IDE: variants seen among roughly 807,000 people sequenced by gnomAD.
The protein encoded by IDE is insulin degrading enzyme, also known as insulin-degrading enzyme.
Under a neutral mutation model 133.2 loss-of-function variants are expected in IDE, and 58 were observed. The ratio of observed to expected loss-of-function variants is 0.44; its 90% CI spans 0.35 to 0.54. The LOEUF (loss-of-function observed/expected upper bound fraction) is 0.54, where lower values mean the gene tolerates loss of function less well. Among genes scored for constraint, IDE ranks in the 20% least tolerant of loss-of-function variants. The pLI, the probability that IDE is intolerant of heterozygous loss-of-function variation, is 0.00. For missense variants in IDE, 981 were observed against 1,234.0 expected, an observed-to-expected ratio of 0.79 and a Z score of 3.07; for synonymous variants, 396 against 421.3, an observed-to-expected ratio of 0.94 and a Z score of 0.73.
At chr10:92,492,426 T>A (rs1847411362) in intron 11 of IDE, among the ~76,000 whole-genome samples, 1 of 152,160 alleles carries the variant, frequency 6.6e-6, no homozygotes, top group Non-Finnish European at 1.5e-5. Context: ...ACTCCGCCTC[T>A]ACTGCCTTTT....
intron 1 of IDE, among the ~76,000 whole-genome samples, chr10:92,566,046 C>T (rs1257643260): frequency 1.3e-5 from 2 of 151,732 alleles, no homozygotes; most frequent in African/African-American, 4.8e-5. Flanking sequence ...ACATAATTAC[C>T]GTGGCCATTA....
intron 1 of IDE, among the ~76,000 whole-genome samples, chr10:92,556,206 A>C (rs1019638357): frequency 2.0e-5 from 3 of 150,560 alleles, no homozygotes; most frequent in Admixed American, 2.0e-4. Context: ...AAAAAGAAAG[A>C]AAAAAGTAAA....
At chr10:92,568,947 G>A (rs892397858) in intron 1 of IDE, among the ~76,000 whole-genome samples, 1 of 152,070 alleles carries the variant, frequency 6.6e-6, no homozygotes, top group Non-Finnish European at 1.5e-5. Flanking sequence ...ATGGTACACA[G>A]GTGTTTTTTT....
intron 14 of IDE, 172 bp from the exon 15 acceptor site, chr10:92,479,593 A>G (rs1846484101): frequency 1.7e-6 from 1 of 585,304 alleles, no homozygotes; most frequent in Non-Finnish European, 3.0e-6. Flanking sequence ...CTGAAAAAGA[A>G]GCCTGAAGTG....
At chr10:92,478,181 C>A (rs1431352165) in intron 15 of IDE, among the ~76,000 whole-genome samples, 1 of 152,106 alleles carries the variant, frequency 6.6e-6, no homozygotes. Context: ...TTAAAACACA[C>A]ATAAAGTAGG....
intron 1 of IDE, among the ~76,000 whole-genome samples, chr10:92,560,731 C>T (rs143482482): frequency 0.014 from 2,119 of 151,198 alleles, 22 homozygotes; most frequent in Non-Finnish European, 0.021. Context: ...TGCAGTGAGC[C>T]AAGATGGAGC....
chr10:92,465,326 T>A (rs1294944990), intron 20 of IDE, among the ~76,000 whole-genome samples: 4 of 152,212 alleles, frequency 2.6e-5, no homozygotes, highest in Non-Finnish European at 5.9e-5. Flanking sequence ...AGATAATACC[T>A]GCCCTCAAGG....
intron 1 of IDE, among the ~76,000 whole-genome samples, chr10:92,549,027 G>A (rs577402412): frequency 8.0e-4 from 122 of 152,282 alleles, no homozygotes; most frequent in South Asian, 1.9e-3. Flanking sequence ...GGAGGCTGAG[G>A]CGGGCGGATC....
At chr10:92,475,370 G>A (rs1589385280) in intron 16 of IDE, among the ~76,000 whole-genome samples, 1 of 152,148 alleles carries the variant, frequency 6.6e-6, no homozygotes, top group East Asian at 1.9e-4. Context: ...GAAAACTGAT[G>A]GTAGTTTCTT....
chr10:92,518,748 A>T (rs1235512056), intron 4 of IDE, among the ~76,000 whole-genome samples: 1 of 152,242 alleles, frequency 6.6e-6, no homozygotes, highest in Non-Finnish European at 1.5e-5. Context: ...AATATGGACA[A>T]CTCTTACAAA....
At chr10:92,572,732 C>T (rs1185544033) in intron 1 of IDE, among the ~76,000 whole-genome samples, 1 of 152,188 alleles carries the variant, frequency 6.6e-6, no homozygotes, top group African/African-American at 2.4e-5. Flanking sequence ...TATAAAGCTT[C>T]AACCAGACTA....
chr10:92,535,435 C>T (rs193139250), intron 2 of IDE, among the ~76,000 whole-genome samples: 10 of 152,076 alleles, frequency 6.6e-5, no homozygotes, highest in Admixed American at 6.6e-4. Context: ...GATTTCATTG[C>T]AGGAGACTAT....
At chr10:92,560,199 CA>C (rs1449101632) in intron 1 of IDE, among the ~76,000 whole-genome samples, 1 of 152,066 alleles carries the variant, frequency 6.6e-6, no homozygotes, top group African/African-American at 2.4e-5. Context: ...GTACAAATAA[CA>C]TATTCATTTT....
At chr10:92,456,972 T>G (rs1850650193) in intron 22 of IDE, among the ~76,000 whole-genome samples, 1 of 151,252 alleles carries the variant, frequency 6.6e-6, no homozygotes. Context: ...AGAATTATTC[T>G]TTTTTTTTCC....
At chr10:92,496,206 A>G (rs1397777388) in intron 11 of IDE, among the ~76,000 whole-genome samples, 2 of 152,224 alleles carry the variant, frequency 1.3e-5, no homozygotes, top group Non-Finnish European at 2.9e-5. Context: ...AAAAAAGTCA[A>G]GAAAGATTAG....
chr10:92,524,223 T>C lies in IDE; in HGVS notation c.661+7525A>G, dbSNP rs112646654. On this transcript the variant is annotated intron_variant, in intron 4 of 24. Transcript: ENST00000265986. ...CTTGGGAGGCTGAGGCAGAACTGCT[T>C]GAACCCGGGAAGTGGAGGTTACGGT... 9.1e-4 allele frequency among the ~76,000 whole-genome samples: 129 copies of C among 141,602 alleles called. 1 individual carries two copies. Among genetic ancestry groups the C allele is most frequent in the African/African-American group, 2.9e-3 (112 of 37,974 alleles). 92.9% of individuals were successfully genotyped at this position (141,602 alleles called of 152,430 possible).
chr10:92,530,276 C>T (rs1849851302), intron 4 of IDE, among the ~76,000 whole-genome samples: 1 of 150,882 alleles, frequency 6.6e-6, no homozygotes, highest in Non-Finnish European at 1.5e-5. Flanking sequence ...GAATGTAATG[C>T]TTTTGAAAAA....
intron 22 of IDE, among the ~76,000 whole-genome samples, chr10:92,460,644 T>C (rs1845326901): frequency 1.3e-5 from 2 of 152,226 alleles, no homozygotes; most frequent in South Asian, 4.1e-4. Context: ...TAATGTGGGC[T>C]GTACATGGCC....
At position 92,491,241 on chromosome 10, in the gene IDE, A is replaced by T. The variant is rs546661879; in HGVS notation, c.1431-646T>A. Among the ~76,000 whole-genome samples, 746 of 133,188 alleles carry T rather than the reference A, an allele frequency of 5.6e-3. 8 individuals carry two copies. The highest frequency in any genetic ancestry group is 0.023 in the African/African-American group (709 of 30,474). The allele number at this position is 133,188 out of a possible 152,430, so 87.4% of individuals were successfully genotyped here. On this transcript the variant is annotated intron_variant, in intron 11 of 24. Coordinates refer to ENST00000265986, the MANE Select transcript of IDE (RefSeq NM_004969.4). Reference sequence around the variant, plus strand: ...TGACAAATCAAAACCTTGTCTCTTTAAAAAAAAAAAAACCAAAAAGGCAAA... The same window carrying T: ...TGACAAATCAAAACCTTGTCTCTTTTAAAAAAAAAAAACCAAAAAGGCAAA...
Sources: gnomAD v4.1 joint callset for allele counts (sites outside exome capture counted in the v4.1 genomes callset) on GRCh38, gnomAD v4.1.1 for gene constraint, MANE v1.5 for transcripts, NCBI Gene and HGNC (gene_info 2026-07-23, HGNC 2026-07-21) for gene names.